The following IL1RAPL1 variants were observed in gnomAD, a reference collection of about 807,000 sequenced individuals.
IL1RAPL1 encodes interleukin-1 receptor accessory protein-like 1.
A neutral mutation model predicts 48.4 loss-of-function variants in IL1RAPL1; 3 were observed. The observed-to-expected ratio is 0.06, with a 90% CI of 0.03 to 0.16. The LOEUF is 0.16. Among genes scored for constraint, IL1RAPL1 ranks in the 10% least tolerant of loss-of-function variants. The pLI is 1.00. For synonymous variants in IL1RAPL1, 185 were observed against 187.7 expected, an observed-to-expected ratio of 0.99 and a Z score of 0.12; for missense variants, 349 against 530.6, an observed-to-expected ratio of 0.66 and a Z score of 3.36.
chrX:28,742,607 A>G (rs1292842242), intron 1 of IL1RAPL1, among the ~76,000 whole-genome samples: 1 of 111,753 alleles, frequency 8.9e-6, no homozygotes, highest in Non-Finnish European at 1.9e-5. Context: ...GGAGAAGAAC[A>G]ACAGAAATAT....
At chrX:29,130,064 G>A in intron 2 of IL1RAPL1, among the ~76,000 whole-genome samples, 1 of 111,120 alleles carries the variant, frequency 9.0e-6, no homozygotes, top group Non-Finnish European at 1.9e-5. Flanking sequence ...CAAAAGTCTT[G>A]GAAGCAATTT....
At chrX:29,208,832 G>A (rs1253338405) in intron 2 of IL1RAPL1, among the ~76,000 whole-genome samples, 1 of 110,475 alleles carries the variant, frequency 9.1e-6, no homozygotes, top group Admixed American at 9.8e-5. Flanking sequence ...CAAGGGGTGG[G>A]AGGTCTAAGA....
chrX:28,907,750 G>C (rs1212751635), intron 2 of IL1RAPL1, among the ~76,000 whole-genome samples: 1 of 111,990 alleles, frequency 8.9e-6, no homozygotes, highest in African/African-American at 3.2e-5. Flanking sequence ...GTTAATACTG[G>C]CCTCTTGGAA....
At chrX:28,778,263 T>C (rs939888429) in intron 1 of IL1RAPL1, among the ~76,000 whole-genome samples, 1 of 112,093 alleles carries the variant, frequency 8.9e-6, no homozygotes. Context: ...AGAATTGCAA[T>C]AAATAATAAA....
At chrX:28,942,844 C>T (rs988454739) in intron 2 of IL1RAPL1, among the ~76,000 whole-genome samples, 4 of 109,725 alleles carry the variant, frequency 3.6e-5, no homozygotes, top group African/African-American at 9.9e-5. Context: ...TTTCTGAAAA[C>T]GGACAATTTT....
intron 1 of IL1RAPL1, among the ~76,000 whole-genome samples, chrX:28,634,800 T>C (rs1356339344): frequency 2.7e-5 from 3 of 110,850 alleles, no homozygotes; most frequent in African/African-American, 9.8e-5. Flanking sequence ...TCAAACTTTC[T>C]GAAATCACGT....
chrX:28,761,993 C>G (rs748454378), intron 1 of IL1RAPL1, among the ~76,000 whole-genome samples: 1 of 111,450 alleles, frequency 9.0e-6, no homozygotes, highest in Non-Finnish European at 1.9e-5. Flanking sequence ...AACCCTTAGA[C>G]AGGTGTCAGA....
chrX:28,748,609 A>C (rs1354799734), intron 1 of IL1RAPL1, among the ~76,000 whole-genome samples: 1 of 112,123 alleles, frequency 8.9e-6, no homozygotes, highest in African/African-American at 3.2e-5. Context: ...AATTTACAAA[A>C]TAAACCTTCA....
At chrX:28,653,326 T>G (rs1934708246) in intron 1 of IL1RAPL1, among the ~76,000 whole-genome samples, 1 of 110,535 alleles carries the variant, frequency 9.0e-6, no homozygotes, top group Admixed American at 9.7e-5. Context: ...AATACAAAAA[T>G]TAGCCAGGCG....
At chrX:29,084,825 G>A in intron 2 of IL1RAPL1, among the ~76,000 whole-genome samples, 1 of 112,041 alleles carries the variant, frequency 8.9e-6, no homozygotes, top group Non-Finnish European at 1.9e-5. Context: ...CCGAGTAGCT[G>A]GGATTACAGG....
intron 6 of IL1RAPL1, among the ~76,000 whole-genome samples, chrX:29,842,686 A>G (rs1931159320): frequency 8.9e-6 from 1 of 112,543 alleles, no homozygotes; most frequent in African/African-American, 3.2e-5. Context: ...TTGTTGTCAC[A>G]GTATATAAAG....
intron 2 of IL1RAPL1, among the ~76,000 whole-genome samples, chrX:28,812,987 GA>G (rs756816866): frequency 1.8e-5 from 2 of 110,819 alleles, no homozygotes; most frequent in Non-Finnish European, 3.8e-5. Flanking sequence ...AGTCATAGAA[GA>G]TTTTTTTTTC....
intron 2 of IL1RAPL1, among the ~76,000 whole-genome samples, chrX:29,093,418 G>A (rs1259534245): frequency 9.0e-6 from 1 of 111,050 alleles, no homozygotes; most frequent in Non-Finnish European, 1.9e-5. Flanking sequence ...GCATCAAAGG[G>A]GAAATCTGCC....
intron 1 of IL1RAPL1, among the ~76,000 whole-genome samples, chrX:28,704,117 C>A (rs1045034783): frequency 2.2e-4 from 24 of 111,596 alleles, no homozygotes; most frequent in Non-Finnish European, 1.9e-4. Flanking sequence ...ATCAAATATT[C>A]CATACATATA....
At chrX:29,544,338 A>T (rs930508465) in intron 5 of IL1RAPL1, among the ~76,000 whole-genome samples, 3 of 112,353 alleles carry the variant, frequency 2.7e-5, no homozygotes, top group Non-Finnish European at 3.8e-5. Context: ...TGTTGATTGG[A>T]TTCGTAAACG....
At chrX:28,990,938 A>G (rs1445368534) in intron 2 of IL1RAPL1, among the ~76,000 whole-genome samples, 1 of 112,251 alleles carries the variant, frequency 8.9e-6, no homozygotes, top group Non-Finnish European at 1.9e-5. Flanking sequence ...ATTAGGGACA[A>G]CAATTTAAAT....
chrX:29,064,689 C>T (rs1479315236), intron 2 of IL1RAPL1, among the ~76,000 whole-genome samples: 1 of 111,313 alleles, frequency 9.0e-6, no homozygotes, highest in Non-Finnish European at 1.9e-5. Context: ...TCACGCCATT[C>T]TCCTGCCTCA....
At chrX:29,472,666 G>C (rs1934933870) in intron 5 of IL1RAPL1, among the ~76,000 whole-genome samples, 1 of 111,650 alleles carries the variant, frequency 9.0e-6, no homozygotes, top group Admixed American at 9.6e-5. Flanking sequence ...CTGGCTGCCT[G>C]GGTTCAGATC....
At chrX:29,407,709 C>T (rs892330498) in intron 5 of IL1RAPL1, among the ~76,000 whole-genome samples, 10 of 111,744 alleles carry the variant, frequency 8.9e-5, no homozygotes, top group African/African-American at 3.2e-4. Flanking sequence ...AATTTACTAA[C>T]TATTGTTTGG....
Sources: gnomAD v4.1 joint callset for allele counts (sites outside exome capture counted in the v4.1 genomes callset) on GRCh38, gnomAD v4.1.1 for gene constraint, MANE v1.5 for transcripts, NCBI Gene and HGNC (gene_info 2026-07-23, HGNC 2026-07-21) for gene names.